Variants in ZNF208 observed in about 807,000 individuals in gnomAD.
ZNF208 encodes zinc finger protein 208.
Under a neutral mutation model 12.1 loss-of-function variants are expected in ZNF208, and 10 were observed. The observed-to-expected ratio is 0.83, with a 90% CI of 0.51 to 1.40. The LOEUF is 1.40. ZNF208 is among the 40% of genes most tolerant of loss of function. The pLI, the probability that ZNF208 is intolerant of heterozygous loss-of-function variation, is 0.00. For synonymous variants in ZNF208, 497 were observed against 488.4 expected, an observed-to-expected ratio of 1.02 and a Z score of -0.23; for missense variants, 1,652 against 1,485.0, an observed-to-expected ratio of 1.11 and a Z score of -1.85.
At chr19:21,952,081 C>G (rs1187859202) in intron 4 of ZNF208, among the ~76,000 whole-genome samples, 4 of 152,228 alleles carry the variant, frequency 2.6e-5, no homozygotes, top group Non-Finnish European at 5.9e-5. Flanking sequence ...GGCAACGCAG[C>G]AGCCTGGCTA....
At position 21,971,739 on chromosome 19, in the gene ZNF208, T is replaced by A; in HGVS notation, c.3295A>T (p.Asn1099Tyr). The A allele has an allele frequency of 6.2e-7, 1 of 1,613,960 alleles. No homozygotes were observed. Among genetic ancestry groups the A allele is most frequent in the Non-Finnish European group, 8.5e-7 (1 of 1,179,954 alleles). The change falls in exon 4 of 4, where the codon AAC (asparagine) becomes TAC (tyrosine). Residue 1099 changes from asparagine to tyrosine, a missense_variant. Physicochemically the swap from Asn to Tyr is moderately radical, Grantham distance 143 (BLOSUM62 -2). Around this residue, in one of 3 missense-constraint regions of ZNF208, gnomAD observed 1,239 missense variants for 1,086.2 expected, o/e 1.14. Coordinates refer to ENST00000397126, the MANE Select transcript of ZNF208 (RefSeq NM_007153.3). Reference sequence around the variant, plus strand: ...TGAATTCTCTTATGTTCCATAAGGTTTGAGGACCAGTTGAAAGCTTTGCCA... The same window carrying A: ...TGAATTCTCTTATGTTCCATAAGGTATGAGGACCAGTTGAAAGCTTTGCCA... ...ECGKAFNWSSNLMEHKRIHTG... is the reference protein window; with the variant it reads ...ECGKAFNWSSYLMEHKRIHTG...
chr19:21,972,425 T>G lies in ZNF208; in HGVS notation c.2609A>C (p.Tyr870Ser). The change falls in exon 4 of 4, where the codon TAT (tyrosine) becomes TCT (serine). Residue 870 changes from tyrosine (Y) to serine (S), a missense_variant. Around this residue, in one of 3 missense-constraint regions of ZNF208, gnomAD observed 1,239 missense variants for 1,086.2 expected, o/e 1.14. Transcript: ENST00000397126. ...ATAACTAAGGGTTGAGGGCCATTTA[T>G]AGGCTTTGCCACATTCTTCACATTT... is the stretch of plus-strand genomic sequence containing the variant. Reference protein sequence around the residue: ...PYKCEECGKAYKWPSTLSYHK... With the variant: ...PYKCEECGKASKWPSTLSYHK... 3.7e-6 allele frequency: 6 copies of G among 1,608,966 alleles called. No individual in the cohort carries two copies. Among genetic ancestry groups the G allele is most frequent in the Non-Finnish European group, 4.2e-6 (5 of 1,177,748 alleles).
intron 1 of ZNF208, chr19:21,997,839 G>C (rs1970866956): frequency 6.6e-6 from 1 of 152,186 alleles, no homozygotes; most frequent in Admixed American, 6.5e-5. Flanking sequence ...CACTGTGACA[G>C]CTCACGTCTT....
chr19:21,969,422 G>C lies in ZNF208; in HGVS notation c.*1769C>G, dbSNP rs919023993. Among the ~76,000 whole-genome samples the C allele has an allele frequency of 6.6e-6, 1 of 152,068 alleles. No homozygotes were observed. Among genetic ancestry groups the C allele is most frequent in the African/African-American group, 2.4e-5 (1 of 41,418 alleles). On this transcript the variant is annotated 3_prime_UTR_variant, in exon 4 of 4. Coordinates refer to ENST00000397126, the MANE Select transcript of ZNF208 (RefSeq NM_007153.3). ...TTTGGATTTTTTCCTATACTCAGCA[G>C]TCTGATTTAGTGTAATATCTGAAGT... is the stretch of plus-strand genomic sequence containing the variant.
Position 21,973,773 on chromosome 19 carries a change from C to G in ZNF208, c.1261G>C (p.Gly421Arg). The change falls in exon 4 of 4, where the codon GGA (glycine) becomes CGA (arginine). Residue 421 changes from glycine to arginine, a missense_variant. By Grantham distance (125) the Gly-to-Arg change is moderately radical. Around this residue, in one of 3 missense-constraint regions of ZNF208, gnomAD observed 1,239 missense variants for 1,086.2 expected, o/e 1.14. Coordinates refer to ENST00000397126, the MANE Select transcript of ZNF208 (RefSeq NM_007153.3). ...ILTKHEVIHT[G>R]EKPYKCEECG... is the part of the protein sequence containing the mutation. Reference sequence around the variant, plus strand: ...TCTTCACATTTGTAGGGTTTCTCTCCAGTATGAATGACCTCATGTTTAGTA... The same window carrying G: ...TCTTCACATTTGTAGGGTTTCTCTCGAGTATGAATGACCTCATGTTTAGTA... The G allele has an allele frequency of 6.2e-7, 1 of 1,606,106 alleles. No homozygotes were observed. Among genetic ancestry groups the G allele is most frequent in the East Asian group, 2.2e-5 (1 of 44,626 alleles).
chr19:21,950,952 T>G (rs1969879087), intron 4 of ZNF208, among the ~76,000 whole-genome samples: 1 of 152,216 alleles, frequency 6.6e-6, no homozygotes, highest in African/African-American at 2.4e-5. Flanking sequence ...AATTAATTGG[T>G]GTACAAATAA....
Position 21,941,075 on chromosome 19 carries a change from G to A in ZNF208, c.306-7838C>T, listed in dbSNP as rs1191753432. The A allele has an allele frequency of 2.3e-5, 7 of 307,338 alleles. No individual in the cohort carries two copies. In the East Asian group the frequency reaches 3.0e-4, roughly 13 times the overall value. The allele number at this position is 307,338 out of a possible 1,614,324, so 19.0% of individuals were successfully genotyped here. On this transcript the variant is annotated intron_variant, in intron 4 of 4. Coordinates refer to the ZNF208 transcript ENST00000599916. Reference sequence around the variant, plus strand: ...GTGAAGGAGGTGCCCCGCAGAGGAGGCGGTAGCCGTGGTCCCTGTAAACCA... The same window carrying A: ...GTGAAGGAGGTGCCCCGCAGAGGAGACGGTAGCCGTGGTCCCTGTAAACCA...
intron 1 of ZNF208, among the ~76,000 whole-genome samples, chr19:22,008,003 T>G (rs1170762834): frequency 1.0e-5 from 1 of 99,160 alleles, no homozygotes; most frequent in Non-Finnish European, 1.9e-5. Flanking sequence ...AGCACTGTCT[T>G]AAAAAAAAAA....
chr19:21,945,332 A>G (rs1969799763), intron 4 of ZNF208, among the ~76,000 whole-genome samples: 1 of 152,192 alleles, frequency 6.6e-6, no homozygotes, highest in Admixed American at 6.5e-5. Context: ...CTCCTTTGCA[A>G]TAAATTACTT....
At chr19:21,956,669 T>A (rs1349898914) in intron 4 of ZNF208, among the ~76,000 whole-genome samples, 1 of 152,216 alleles carries the variant, frequency 6.6e-6, no homozygotes, top group African/African-American at 2.4e-5. Flanking sequence ...GGTGTGCCAT[T>A]TGCTAAGACC....
rs765108576 is a variant in ZNF208, at chr19:21,973,484, C to A, written c.1550G>T (p.Arg517Ile). The A allele has an allele frequency of 6.2e-7, 1 of 1,606,986 alleles. No homozygotes were observed. Among genetic ancestry groups the A allele is most frequent in the African/African-American group, 1.4e-5 (1 of 73,186 alleles). ...NWSSNLMEHK[R>I]IHTGEKPYKC... ...GTAGGGTTTCTCTCCAGTATGAATT[C>A]TCTTATGTTCCATAAGGTTTGAGGA... Residue 517 changes from arginine to isoleucine, a missense_variant, in exon 4 of 4, where the codon AGA (arginine) becomes ATA (isoleucine). This residue lies in a region of ZNF208 where 1,239 missense variants were observed against 1,086.2 expected (regional missense o/e 1.14). Coordinates refer to ENST00000397126, the MANE Select transcript of ZNF208 (RefSeq NM_007153.3).
rs761134508 is a variant in ZNF208, at chr19:21,973,927, G to A, written c.1107C>T (p.Tyr369=). The change falls in exon 4 of 4, where the codon TAC becomes TAT. Residue 369 remains tyrosine (Y), a synonymous_variant. Coordinates refer to ENST00000397126, the MANE Select transcript of ZNF208 (RefSeq NM_007153.3). ...HKVIHTGEKP[Y]KCEECGKAYK... is the part of the protein sequence containing the mutation. ...AGGCTTTGCCGCATTCTTCACATTT[G>A]TAGGGTTTCTCTCCAGTATGAATTA... 2 of 1,613,596 alleles carry A rather than the reference G, an allele frequency of 1.2e-6. No homozygotes were observed. The highest frequency in any genetic ancestry group is 1.7e-5 in the Admixed American group (1 of 59,964).
chr19:22,007,279 G>T (rs1303650932), intron 1 of ZNF208, among the ~76,000 whole-genome samples: 2 of 151,994 alleles, frequency 1.3e-5, no homozygotes, highest in Non-Finnish European at 2.9e-5. Flanking sequence ...CAGCACTTTA[G>T]GAGGCCGAGG....
At chr19:21,957,417 G>A (rs1052981273) in intron 4 of ZNF208, among the ~76,000 whole-genome samples, 4 of 152,172 alleles carry the variant, frequency 2.6e-5, no homozygotes, top group African/African-American at 9.7e-5. Context: ...GGGAGGGTTT[G>A]TTTTCCTTTA....
At chr19:21,943,242 A>G (rs1040197973) in intron 4 of ZNF208, among the ~76,000 whole-genome samples, 7 of 152,226 alleles carry the variant, frequency 4.6e-5, no homozygotes, top group African/African-American at 1.7e-4. Context: ...TAAAAAATGT[A>G]GTAAAATAGA....
intron 3 of ZNF208, among the ~76,000 whole-genome samples, chr19:21,981,856 CAA>C (rs1226799259): frequency 7.9e-5 from 12 of 152,170 alleles, no homozygotes; most frequent in Non-Finnish European, 1.0e-4. Flanking sequence ...GCAACTTCAG[CAA>C]AGTCTCAGAA....
At chr19:22,006,493 G>T (rs375607688) in intron 1 of ZNF208, among the ~76,000 whole-genome samples, 1 of 152,008 alleles carries the variant, frequency 6.6e-6, no homozygotes, top group Non-Finnish European at 1.5e-5. Flanking sequence ...TTAGGGTTCC[G>T]TAAGACACCC....
rs562482504 is a variant in ZNF208, at chr19:21,972,333, A to G, written c.2701T>C (p.Phe901Leu). 30 of 1,613,316 alleles carry G rather than the reference A, an allele frequency of 1.9e-5. 1 individual carries two copies. In the African/African-American group the frequency reaches 3.9e-4, roughly 21 times the overall value. Residue 901 changes from phenylalanine to leucine, a missense_variant, in exon 4 of 4, where the codon TTC (phenylalanine) becomes CTC (leucine). Physicochemically the swap from Phe to Leu is conservative, Grantham distance 22. Coordinates refer to ENST00000397126, the MANE Select transcript of ZNF208 (RefSeq NM_007153.3). ...CEECGKGFSM[F>L]SILTKHEVIH... Reference sequence around the variant, plus strand: ...ACCTCATGTTTAGTAAGGATGGAGAACATACTAAAACCTTTGCCACATTCT... The same window carrying G: ...ACCTCATGTTTAGTAAGGATGGAGAGCATACTAAAACCTTTGCCACATTCT...
Position 21,974,293 on chromosome 19 carries a change from A to G in ZNF208, c.741T>C (p.His247=), listed in dbSNP as rs534477649. The change falls in exon 4 of 4, where the codon CAT becomes CAC. Residue 247 remains histidine (H), a synonymous_variant. Coordinates refer to ENST00000397126, the MANE Select transcript of ZNF208 (RefSeq NM_007153.3). ...AFSKFSILTK[H]KVIHTGEKSY... ...ATTTCTCTCCAGTATGAATTACCTT[A>G]TGTTTAGTAAGGATTGAGAACTTAC... is the stretch of plus-strand genomic sequence containing the variant. The G allele has an allele frequency of 3.3e-4, 535 of 1,613,528 alleles. 1 individual carries two copies. The East Asian group carries it at 9.3e-3, about 28-fold the overall frequency.
Sources: gnomAD v4.1 joint callset for allele counts (sites outside exome capture counted in the v4.1 genomes callset) on GRCh38, gnomAD v4.1.1 for gene constraint, gnomAD v4.1.1 regional missense constraint, MANE v1.5 for transcripts, NCBI Gene and HGNC (gene_info 2026-07-23, HGNC 2026-07-21) for gene names.